SERTAD1: variants seen among roughly 807,000 people sequenced by gnomAD.
The protein encoded by SERTAD1 is SERTA domain-containing protein 1.
A neutral mutation model predicts 11.7 loss-of-function variants in SERTAD1; 5 were observed. The ratio of observed to expected loss-of-function variants is 0.43; its 90% CI spans 0.22 to 0.90. SERTAD1 has a LOEUF of 0.90. Ranked by LOEUF, SERTAD1 falls within the 40% of genes least tolerant of loss-of-function variation. The pLI, the probability that SERTAD1 is intolerant of heterozygous loss-of-function variation, is 0.27. For synonymous variants in SERTAD1, 139 were observed against 141.4 expected (o/e 0.98, Z 0.12); for missense variants, 287 against 313.9 (o/e 0.91, Z 0.65).
At chr19:40,425,627 G>C (rs1000932809) in intron 1 of SERTAD1, among the ~76,000 whole-genome samples, 2 of 152,194 alleles carry the variant, frequency 1.3e-5, no homozygotes, top group Non-Finnish European at 2.9e-5. Flanking sequence ...GGCTCCTCCC[G>C]AAGCGGCGGC....
Position 40,422,829 on chromosome 19 carries a change from C to G in SERTAD1, c.*7G>C, listed in dbSNP as rs200723077. 4.2e-4 allele frequency: 670 copies of G among 1,583,794 alleles called. 1 individual carries two copies. Among genetic ancestry groups the G allele is most frequent in the Non-Finnish European group, 5.5e-4 (645 of 1,163,884 alleles). ...CAGATACCAGACAACCATTCCAGCA[C>G]GAGGGCTCAGCGCCCTGGCCCCGGC... On this transcript the variant is annotated 3_prime_UTR_variant, in exon 2 of 2. Transcript: ENST00000357949.
At position 40,422,572 on chromosome 19, in the gene SERTAD1, C is replaced by T. The variant is rs967421494; in HGVS notation, c.*264G>A. On this transcript the variant is annotated 3_prime_UTR_variant, in exon 2 of 2. Transcript: ENST00000357949. The stretch of plus-strand genomic sequence containing the variant: ...GTCTCTTCCCGTATCAGAGAAGGAA[C>T]AGCCCAAGCTATGACCCCAGGGCCA... 4 of 423,568 alleles carry T rather than the reference C, an allele frequency of 9.4e-6. No homozygotes were observed. The highest frequency in any genetic ancestry group is 1.7e-5 in the Non-Finnish European group (4 of 239,082). 26.2% of individuals were successfully genotyped at this position (423,568 alleles called of 1,614,324 possible).
At chr19:40,424,804 C>A (rs894027993) in intron 1 of SERTAD1, among the ~76,000 whole-genome samples, 2 of 152,170 alleles carry the variant, frequency 1.3e-5, no homozygotes, top group Non-Finnish European at 2.9e-5. Context: ...GGTAGGAGAC[C>A]AGATTGGGGA....
Position 40,422,950 on chromosome 19 carries a change from C to G in SERTAD1, c.597G>C (p.Glu199Asp). 2 of 1,608,126 alleles carry G rather than the reference C, an allele frequency of 1.2e-6. No individual in the cohort carries two copies. Among genetic ancestry groups the G allele is most frequent in the African/African-American group, 2.7e-5 (2 of 74,940 alleles). Residue 199 changes from glutamate to aspartate, a missense_variant, in exon 2 of 2, where the codon GAG becomes GAC. Transcript: ENST00000357949. ...GAGCTTCCTCCTTGCCCGGCCCATC[C>G]TCAGGGCCTGGTTTGAGGCCCTCAG... is the stretch of plus-strand genomic sequence containing the variant. ...PASEGLKPGP[E>D]DGPGKEEAPE...
Position 40,423,096 on chromosome 19 carries a change from T to C in SERTAD1, c.451A>G (p.Ser151Gly). The change falls in exon 2 of 2, where the codon AGC (serine) becomes GGC (glycine). Residue 151 changes from serine to glycine, a missense_variant. By Grantham distance (56) the Ser-to-Gly change is moderately conservative. Coordinates refer to ENST00000357949, the MANE Select transcript of SERTAD1 (RefSeq NM_013376.4). The part of the protein sequence containing the change: ...PGRSIGGAAP[S>G]LGALDLLGPA... ...CCCAGCAGGTCCAAGGCACCCAGGC[T>C]GGGCGCTGCTCCCCCGATGCTACGG... 4 of 1,594,288 alleles carry C rather than the reference T, an allele frequency of 2.5e-6. No individual in the cohort carries two copies.
Position 40,423,649 on chromosome 19 carries a change from GTCACT to G in SERTAD1, c.1-108_1-104del. 5 of 706,082 alleles carry G rather than the reference GTCACT, an allele frequency of 7.1e-6. No homozygotes were observed. The South Asian group carries it at 9.2e-5, about 13-fold the overall frequency. 43.7% of individuals were successfully genotyped at this position (706,082 alleles called of 1,614,324 possible). ...TTGCTGCAGGTAGGATCTTGGGGAA[GTCACT>G]TAACCTCTCTGTGCCTAGCTTTTCT... On this transcript the variant is annotated intron_variant, in intron 1 of 1. Coordinates refer to ENST00000357949, the MANE Select transcript of SERTAD1 (RefSeq NM_013376.4).
Position 40,423,448 on chromosome 19 carries a change from C to T in SERTAD1, c.99G>A (p.Val33=). The change falls in exon 2 of 2, where the codon GTG becomes GTA. Residue 33 remains valine (V), a synonymous_variant. Transcript: ENST00000357949. ...AGGCCACGGCCGGGGGTGCCTGTGC[C>T]ACCGCTGTGTGGCCAGGATCTAGCC... The part of the protein sequence containing the change: ...SWWLDPGHTA[V]AQAPPAVASS... The T allele has an allele frequency of 6.2e-7, 1 of 1,613,208 alleles. No individual in the cohort carries two copies. Among genetic ancestry groups the T allele is most frequent in the Non-Finnish European group, 8.5e-7 (1 of 1,180,046 alleles).
At chr19:40,425,638 GGC>G (rs2079613995) in intron 1 of SERTAD1, among the ~76,000 whole-genome samples, 1 of 152,176 alleles carries the variant, frequency 6.6e-6, no homozygotes, top group Non-Finnish European at 1.5e-5. Context: ...AAGCGGCGGC[GGC>G]GGGGGCGGGT....
In SERTAD1 at chr19:40,421,709, TTG is replaced by T. The variant is rs1300014457; in HGVS notation, c.*1125_*1126del. 2 of 152,138 alleles carry T rather than the reference TTG, an allele frequency of 1.3e-5. No individual in the cohort carries two copies. Among genetic ancestry groups the T allele is most frequent in the Non-Finnish European group, 2.9e-5 (2 of 68,040 alleles). 9.4% of individuals were successfully genotyped at this position (152,138 alleles called of 1,614,324 possible). A position where few individuals can be genotyped will look rare whatever the true frequency, so the allele number is the denominator to read the frequency against. On this transcript the variant is annotated 3_prime_UTR_variant, in exon 2 of 2. Transcript: ENST00000357949. ...AGAGGATCTGTCCAGGGTCCAGGTT[TTG>T]TGTTTTTATTTCGGGACCATTCTGA...
rs984704481 is a variant in SERTAD1 at position 40,422,517 on chromosome 19, A to G, written c.*319T>C. On this transcript the variant is annotated 3_prime_UTR_variant, in exon 2 of 2. Coordinates refer to ENST00000357949, the MANE Select transcript of SERTAD1 (RefSeq NM_013376.4). ...GCACACGGATTTGAGATTTCCCAGG[A>G]CTGGCTTTAATTTGAAAAATCTGAT... The G allele has an allele frequency of 1.3e-4, 44 of 340,262 alleles. No individual in the cohort carries two copies. The highest frequency in any genetic ancestry group is 1.5e-4 in the Non-Finnish European group (28 of 186,112). The allele number at this position is 340,262 out of a possible 1,614,324, so 21.1% of individuals were successfully genotyped here.
In SERTAD1 at chr19:40,423,053, A is replaced by G. The variant is rs767776780; in HGVS notation, c.494T>C (p.Leu165Pro). Residue 165 changes from leucine (L) to proline (P), a missense_variant, in exon 2 of 2, where the codon CTA becomes CCA. Coordinates refer to ENST00000357949, the MANE Select transcript of SERTAD1 (RefSeq NM_013376.4). Reference protein sequence around the residue: ...LDLLGPATGCLLDDGLEGLFE... With the variant: ...LDLLGPATGCPLDDGLEGLFE... ...CAGGCCCTCAAGCCCATCGTCCAGT[A>G]GACAGCCAGTGGCTGGGCCCAGCAG... The G allele has an allele frequency of 6.3e-7, 1 of 1,579,728 alleles. No homozygotes were observed. The highest frequency in any genetic ancestry group is 1.9e-5 in the Admixed American group (1 of 54,044).
chr19:40,425,811 G>A (rs1381743117), intron 1 of SERTAD1, 56 bp downstream of exon 1: 1 of 152,302 alleles, frequency 6.6e-6, no homozygotes, highest in African/African-American at 2.4e-5. Flanking sequence ...ATCGAACTCT[G>A]TGAAGGACCC....
Position 40,425,947 on chromosome 19 carries a change from T to A in SERTAD1, c.-81A>T, listed in dbSNP as rs2079615424. On this transcript the variant is annotated 5_prime_UTR_variant, in exon 1 of 2. Transcript: ENST00000357949. ...AAACGGCGGCGGCAGCATCGCTTGT[T>A]GGCTGTCCTCCGGAAACCCGCGCCT... The A allele has an allele frequency of 6.6e-6, 1 of 152,324 alleles. No homozygotes were observed. The highest frequency in any genetic ancestry group is 1.9e-4 in the East Asian group (1 of 5,192). The allele number at this position is 152,324 out of a possible 1,614,324, so 9.4% of individuals were successfully genotyped here. A position where few individuals can be genotyped will look rare whatever the true frequency, so the allele number is the denominator to read the frequency against.
intron 1 of SERTAD1, among the ~76,000 whole-genome samples, chr19:40,423,883 C>T (rs1178365712): frequency 4.6e-5 from 7 of 152,010 alleles, no homozygotes; most frequent in African/African-American, 1.5e-4. Flanking sequence ...CATGCCACCA[C>T]ACCCGGCTAA....
At chr19:40,425,001 G>C (rs268684) in intron 1 of SERTAD1, among the ~76,000 whole-genome samples, 17,429 of 152,058 alleles carry the variant, frequency 0.11, 3,370 homozygotes, top group African/African-American at 0.4. Flanking sequence ...GACTGTGGGG[G>C]GCAAAAAGAG....
At position 40,422,762 on chromosome 19, in the gene SERTAD1, G is replaced by A. The variant is rs541146103; in HGVS notation, c.*74C>T. ...GTTCTCTGTACTAGGGAAGCCAGCT[G>A]TGTCTTTTCGAGGACAGTTGGTCCA... On this transcript the variant is annotated 3_prime_UTR_variant, in exon 2 of 2. Transcript: ENST00000357949. 29 of 1,452,876 alleles carry A rather than the reference G, an allele frequency of 2.0e-5. No homozygotes were observed. In the South Asian group the frequency reaches 3.6e-4, roughly 18 times the overall value. 90.0% of individuals were successfully genotyped at this position (1,452,876 alleles called of 1,614,324 possible).
rs373618032 is a variant in SERTAD1 at position 40,423,429 on chromosome 19, C to T, written c.118G>A (p.Val40Met). Residue 40 changes from valine (V) to methionine (M), a missense_variant, in exon 2 of 2, where the codon GTG becomes ATG. Transcript: ENST00000357949. ...AGGTCAAAGAGGGAGCTAGAGGCCA[C>T]GGCCGGGGGTGCCTGTGCCACCGCT... ...HTAVAQAPPA[V>M]ASSSLFDLSV... is the part of the protein sequence containing the mutation. 1.4e-5 allele frequency: 22 copies of T among 1,613,164 alleles called. No homozygotes were observed. In the South Asian group the frequency reaches 1.4e-4, roughly 10 times the overall value.
At chr19:40,424,760 G>A (rs1195300146) in intron 1 of SERTAD1, among the ~76,000 whole-genome samples, 1 of 152,242 alleles carries the variant, frequency 6.6e-6, no homozygotes, top group African/African-American at 2.4e-5. Flanking sequence ...GAACTGGAAA[G>A]AGACCAGCAT....
chr19:40,423,043 A>G lies in SERTAD1; in HGVS notation c.504T>C (p.Asp168=), dbSNP rs1291765820. ...LGPATGCLLD[D]GLEGLFEDID... The stretch of plus-strand genomic sequence containing the variant: ...TATCCTCAAACAGGCCCTCAAGCCC[A>G]TCGTCCAGTAGACAGCCAGTGGCTG... The change falls in exon 2 of 2, where the codon GAT becomes GAC. Residue 168 remains aspartate, a synonymous_variant. Coordinates refer to ENST00000357949, the MANE Select transcript of SERTAD1 (RefSeq NM_013376.4). 1.9e-6 allele frequency: 3 copies of G among 1,576,260 alleles called. No individual in the cohort carries two copies. The highest frequency in any genetic ancestry group is 3.7e-5 in the Admixed American group (2 of 53,586).
Sources: gnomAD v4.1 joint callset for allele counts (sites outside exome capture counted in the v4.1 genomes callset) on GRCh38, gnomAD v4.1.1 for gene constraint, MANE v1.5 for transcripts, NCBI Gene and HGNC (gene_info 2026-07-23, HGNC 2026-07-21) for gene names.